NCLN: variants seen among roughly 807,000 people sequenced by gnomAD.
The protein encoded by NCLN is nicalin, also known as BOS complex subunit NCLN.
Under a neutral mutation model 69.5 loss-of-function variants are expected in NCLN, and 34 were observed. The ratio of observed to expected loss-of-function variants is 0.49; its 90% confidence interval spans 0.37 to 0.65. The LOEUF (loss-of-function observed/expected upper bound fraction) is 0.65, where lower values mean the gene tolerates loss of function less well. NCLN is among the 30% of genes least tolerant of loss of function. NCLN has a pLI of 0.00. For synonymous variants in NCLN, 393 were observed against 358.3 expected (o/e 1.10, Z -1.09); for missense variants, 710 against 804.8 (o/e 0.88, Z 1.42).
chr19:3,188,619 C>T (rs542871078), intron 1 of NCLN, among the ~76,000 whole-genome samples: 1 of 152,304 alleles, frequency 6.6e-6, no homozygotes, highest in South Asian at 2.1e-4. Context: ...TCTTCTGAGT[C>T]TTCTTTTCAC....
chr19:3,204,800 CT>C (rs1157116947), intron 9 of NCLN, 49 bp downstream of exon 9: 4 of 1,384,546 alleles, frequency 2.9e-6, no homozygotes, highest in Non-Finnish European at 1.9e-6. Context: ...TTCCTGGGGG[CT>C]GAGCCACTGG....
intron 5 of NCLN, 90 bp downstream of exon 5, chr19:3,198,987 G>T (rs1916051296): frequency 1.1e-6 from 1 of 934,672 alleles, no homozygotes; most frequent in Non-Finnish European, 1.5e-6. Context: ...GTAGGGGATG[G>T]CGGCCAGGGT....
At chr19:3,201,474 C>T (rs1295770582) in intron 5 of NCLN, 49 bp from the exon 6 acceptor site, 4 of 1,387,842 alleles carry the variant, frequency 2.9e-6, no homozygotes, top group Admixed American at 2.0e-5. Flanking sequence ...TCATGGGGTG[C>T]GGGAGCCGGG....
intron 4 of NCLN, 59 bp from the exon 5 acceptor site, chr19:3,198,758 C>T (rs1916040511): frequency 4.8e-6 from 7 of 1,443,598 alleles, no homozygotes; most frequent in Non-Finnish European, 6.6e-6. Context: ...CTCCAAGCCC[C>T]ACACACGGGT....
rs60790041 is a variant in NCLN, at chr19:3,193,479, C to T, written c.520+51C>T. ...GCCCGTGGGCGTGGGTGTGGGGAGGCGTCCCCATCCCAAGGGCTGCGGTCA... is the reference window on the plus strand; with the variant it reads ...GCCCGTGGGCGTGGGTGTGGGGAGGTGTCCCCATCCCAAGGGCTGCGGTCA... On this transcript the variant is annotated intron_variant, in intron 3 of 14. Transcript: ENST00000246117. 6,669 of 1,529,494 alleles carry T rather than the reference C, an allele frequency of 4.4e-3. 252 individuals are homozygous for T. The African/African-American group carries it at 0.081, about 18-fold the overall frequency. 94.7% of individuals were successfully genotyped at this position (1,529,494 alleles called of 1,614,324 possible).
In NCLN at chr19:3,203,998, C is replaced by T. The variant is rs188374479; in HGVS notation, c.890-7C>T. The T allele has an allele frequency of 2.8e-4, 441 of 1,563,434 alleles. 1 individual carries two copies. The African/African-American group carries it at 4.5e-3, about 16-fold the overall frequency. ...CACCCACCCCGCCAGCTCTCGGTGT[C>T]CTGCAGACTCCAGCCTGCTTCAGGA... is the stretch of plus-strand genomic sequence containing the variant. On this transcript the variant is annotated splice_region_variant and splice_polypyrimidine_tract_variant and intron_variant, in intron 7 of 14. Coordinates refer to ENST00000246117, the MANE Select transcript of NCLN (RefSeq NM_020170.4).
At chr19:3,197,911 G>A (rs1439415347) in intron 4 of NCLN, among the ~76,000 whole-genome samples, 2 of 152,128 alleles carry the variant, frequency 1.3e-5, no homozygotes, top group Middle Eastern at 3.2e-3. Flanking sequence ...GTGAGCCACC[G>A]TGCCGGGCTG....
chr19:3,207,838 T>C lies in NCLN; in HGVS notation c.*150T>C. ...TGGTTGGAACACTGAATTACAGAGC[T>C]TTTTTCTGTTGCTCTCCGAGACTGG... On this transcript the variant is annotated 3_prime_UTR_variant, in exon 15 of 15. Transcript: ENST00000246117. The C allele has an allele frequency of 3.2e-6, 2 of 631,998 alleles. No homozygotes were observed. Among genetic ancestry groups the C allele is most frequent in the Non-Finnish European group, 2.8e-6 (1 of 353,578 alleles). 39.1% of individuals were successfully genotyped at this position (631,998 alleles called of 1,614,324 possible).
At chr19:3,200,527 G>A (rs1916099179) in intron 5 of NCLN, among the ~76,000 whole-genome samples, 1 of 150,698 alleles carries the variant, frequency 6.6e-6, no homozygotes, top group South Asian at 2.1e-4. Flanking sequence ...GGCCAGGATG[G>A]TCTTGAACTC....
Position 3,201,518 on chromosome 19 carries a change from TG to T in NCLN, c.697-4del. On this transcript the variant is annotated splice_polypyrimidine_tract_variant and splice_region_variant and intron_variant, in intron 5 of 14. Coordinates refer to ENST00000246117, the MANE Select transcript of NCLN (RefSeq NM_020170.4). ...ACTGTGGCCTTGCCTCTCCCGTCCC[TG>T]TAGTGGCTGTCGCTGGGCGCGGACT... 1 of 1,549,852 alleles carries T rather than the reference TG, an allele frequency of 6.5e-7. No individual in the cohort carries two copies. The highest frequency in any genetic ancestry group is 8.7e-7 in the Non-Finnish European group (1 of 1,153,210).
chr19:3,196,631 C>T (rs893454826), intron 4 of NCLN, among the ~76,000 whole-genome samples: 1 of 152,232 alleles, frequency 6.6e-6, no homozygotes, highest in African/African-American at 2.4e-5. Flanking sequence ...CGCCAGCCCC[C>T]TCTCATCACA....
chr19:3,192,170 A>G (rs1206112631), intron 1 of NCLN, among the ~76,000 whole-genome samples: 1 of 152,212 alleles, frequency 6.6e-6, no homozygotes, highest in East Asian at 1.9e-4. Context: ...CCTGGGCAAC[A>G]GAGTGAGACC....
intron 5 of NCLN, among the ~76,000 whole-genome samples, chr19:3,200,310 G>GTTTTT (rs539601039): frequency 1.7e-5 from 2 of 114,890 alleles, no homozygotes; most frequent in African/African-American, 3.5e-5. Context: ...TTTTATTTAT[G>GTTTTT]TATTTTTTTT....
chr19:3,196,369 C>T (rs1040756196), intron 4 of NCLN, 92 bp downstream of exon 4: 18 of 912,520 alleles, frequency 2.0e-5, no homozygotes, highest in Non-Finnish European at 2.1e-5. Flanking sequence ...AGAGGGGAGC[C>T]GCTGATGGGA....
intron 1 of NCLN, among the ~76,000 whole-genome samples, chr19:3,188,860 A>T (rs896225267): frequency 2.6e-5 from 4 of 151,758 alleles, no homozygotes; most frequent in African/African-American, 9.7e-5. Context: ...CAGCCAGCAC[A>T]CCCCTCTGTG....
Position 3,207,581 on chromosome 19 carries a change from G to A in NCLN, c.1633-48G>A, listed in dbSNP as rs1238265341. Reference sequence around the variant, plus strand: ...GCTCAGCCTAGAGTCACATGACCTGGGGCTCTGGCCCCGCCCACATCCTCA... The same window carrying A: ...GCTCAGCCTAGAGTCACATGACCTGAGGCTCTGGCCCCGCCCACATCCTCA... On this transcript the variant is annotated intron_variant, in intron 14 of 14. Coordinates refer to ENST00000246117, the MANE Select transcript of NCLN (RefSeq NM_020170.4). The A allele has an allele frequency of 3.1e-6, 5 of 1,610,492 alleles. No homozygotes were observed. The African/African-American group carries it at 6.7e-5, about 22-fold the overall frequency.
intron 5 of NCLN, among the ~76,000 whole-genome samples, chr19:3,199,769 C>T (rs12976887): frequency 7.1e-6 from 1 of 141,606 alleles, no homozygotes; most frequent in Non-Finnish European, 1.5e-5. Flanking sequence ...GGCACAATCT[C>T]GGCTCACTGC....
chr19:3,198,975 CT>C (rs1417957256), intron 5 of NCLN, 78 bp downstream of exon 5: 4 of 1,086,512 alleles, frequency 3.7e-6, no homozygotes, highest in Non-Finnish European at 5.0e-6. Context: ...GGCAAAGCGC[CT>C]GTAGGGGATG....
At chr19:3,207,502 G>T (rs764409555) in intron 14 of NCLN, 33 bp downstream of exon 14, 2 of 1,610,790 alleles carry the variant, frequency 1.2e-6, no homozygotes, top group South Asian at 1.1e-5. Flanking sequence ...TGGGGCAGGG[G>T]CCGCCCGCCG....
Sources: gnomAD v4.1 joint callset for allele counts (sites outside exome capture counted in the v4.1 genomes callset) on GRCh38, gnomAD v4.1.1 for gene constraint, MANE v1.5 for transcripts, NCBI Gene and HGNC (gene_info 2026-07-23, HGNC 2026-07-21) for gene names.